The following KIF26B variants were observed in gnomAD, a reference collection of about 807,000 sequenced individuals.
KIF26B encodes kinesin-like protein KIF26B.
KIF26B carries 63 observed loss-of-function variants against 151.2 expected under a neutral mutation model. The observed-to-expected ratio is 0.42, with a 90% confidence interval of 0.34 to 0.51. The LOEUF is 0.51. KIF26B is among the 20% of genes least tolerant of loss of function. The pLI is 0.07. For synonymous variants in KIF26B, 1,357 were observed against 1,262.1 expected (o/e 1.08, Z -1.59); for missense variants, 2,813 against 2,913.6 (o/e 0.97, Z 0.79).
At chr1:245,534,786 C>CTT (rs58406934) in intron 4 of KIF26B, among the ~76,000 whole-genome samples, 32 of 143,660 alleles carry the variant, frequency 2.2e-4, no homozygotes, top group South Asian at 4.4e-4. Flanking sequence ...TTTACCTTTT[C>CTT]TTTTTTTTTT....
At chr1:245,271,666 C>G (rs1670859246) in intron 2 of KIF26B, among the ~76,000 whole-genome samples, 1 of 149,948 alleles carries the variant, frequency 6.7e-6, no homozygotes, top group African/African-American at 2.5e-5. Context: ...CATTGATTGA[C>G]TTTTGTATAT....
chr1:245,515,822 G>A (rs565768570), intron 4 of KIF26B, among the ~76,000 whole-genome samples: 2 of 152,290 alleles, frequency 1.3e-5, no homozygotes, highest in Admixed American at 6.5e-5. Context: ...GGCATGGGAG[G>A]GCTCGCTCTG....
intron 3 of KIF26B, among the ~76,000 whole-genome samples, chr1:245,407,082 C>T (rs1674152839): frequency 6.6e-6 from 1 of 152,150 alleles, no homozygotes; most frequent in Non-Finnish European, 1.5e-5. Flanking sequence ...GCCACTGTGC[C>T]CGGCCCAGGT....
At chr1:245,175,417 T>C (rs942957563) in intron 2 of KIF26B, among the ~76,000 whole-genome samples, 6 of 152,004 alleles carry the variant, frequency 3.9e-5, no homozygotes, top group Admixed American at 1.3e-4. Context: ...GTGATCATGA[T>C]GGATTATTCA....
At chr1:245,497,942 C>T (rs541633224) in intron 4 of KIF26B, among the ~76,000 whole-genome samples, 19 of 152,338 alleles carry the variant, frequency 1.2e-4, no homozygotes, top group Non-Finnish European at 2.4e-4. Context: ...CAGGGTTTCA[C>T]CTTGTTGGCC....
At chr1:245,577,503 A>G (rs2043130943) in intron 5 of KIF26B, among the ~76,000 whole-genome samples, 1 of 152,250 alleles carries the variant, frequency 6.6e-6, no homozygotes, top group Non-Finnish European at 1.5e-5. Flanking sequence ...AAAAGAGCCA[A>G]CAGCATGGAA....
Position 245,180,292 on chromosome 1 carries a change from C to CAGAGAGAGAG in KIF26B, c.465+23624_465+23633dup, listed in dbSNP as rs34346823. On this transcript the variant is annotated intron_variant, in intron 2 of 14. Transcript: ENST00000407071. Reference sequence around the variant, plus strand: ...ATTCAGCTTCAGATCCTGCAGGTAGCAGAGAGAGAGAGAGAGAGAGAGAGG... The same window carrying CAGAGAGAGAG: ...ATTCAGCTTCAGATCCTGCAGGTAGCAGAGAGAGAGAGAGAGAGAGAGAGAGAGAGAGAGG... Among the ~76,000 whole-genome samples the CAGAGAGAGAG allele has an allele frequency of 6.7e-3, 992 of 148,600 alleles. 7 individuals carry two copies. The highest frequency in any genetic ancestry group is 9.7e-3 in the South Asian group (44 of 4,550).
Position 245,685,832 on chromosome 1 carries a change from T to G in KIF26B, c.2849T>G (p.Leu950Arg). Residue 950 changes from leucine to arginine, a missense_variant, in exon 12 of 15, where the codon CTG (leucine) becomes CGG (arginine). Physicochemically the swap from Leu to Arg is moderately radical, Grantham distance 102. Coordinates refer to ENST00000407071, the MANE Select transcript of KIF26B (RefSeq NM_018012.4). Reference sequence around the variant, plus strand: ...CCCAGCAGCTTTCCTTTCGAAGAACTGCCTGCTCAGTTTGGGCCAGAGCAG... The same window carrying G: ...CCCAGCAGCTTTCCTTTCGAAGAACGGCCTGCTCAGTTTGGGCCAGAGCAG... ...EEPSSFPFEELPAQFGPEQAS... is the reference protein window; with the variant it reads ...EEPSSFPFEERPAQFGPEQAS... The G allele has an allele frequency of 6.2e-7, 1 of 1,611,940 alleles. No individual in the cohort carries two copies. The highest frequency in any genetic ancestry group is 8.5e-7 in the Non-Finnish European group (1 of 1,179,262).
At chr1:245,233,228 G>C (rs1670033397) in intron 2 of KIF26B, among the ~76,000 whole-genome samples, 1 of 152,204 alleles carries the variant, frequency 6.6e-6, no homozygotes, top group African/African-American at 2.4e-5. Flanking sequence ...GGAAGTGAAT[G>C]ATTCTGTAGA....
At chr1:245,246,069 G>A (rs1191917899) in intron 2 of KIF26B, among the ~76,000 whole-genome samples, 2 of 150,340 alleles carry the variant, frequency 1.3e-5, no homozygotes, top group African/African-American at 4.9e-5. Context: ...TCCAGCCTGG[G>A]CGACAGAGCG....
At chr1:245,598,155 G>A (rs2043354039) in intron 5 of KIF26B, among the ~76,000 whole-genome samples, 1 of 152,076 alleles carries the variant, frequency 6.6e-6, no homozygotes, top group African/African-American at 2.4e-5. Flanking sequence ...CTAGAACCTT[G>A]TAGGGGTAAA....
At chr1:245,420,384 T>C (rs2103036462) in intron 4 of KIF26B, among the ~76,000 whole-genome samples, 1 of 152,308 alleles carries the variant, frequency 6.6e-6, no homozygotes, top group South Asian at 2.1e-4. Context: ...AGGAAAGGAC[T>C]TCAGGGATTG....
chr1:245,435,482 G>A (rs551880036), intron 4 of KIF26B, among the ~76,000 whole-genome samples: 2 of 152,314 alleles, frequency 1.3e-5, no homozygotes, highest in Non-Finnish European at 2.9e-5. Flanking sequence ...TCCATTGCCT[G>A]TCTCCCTTCC....
chr1:245,251,901 G>C (rs1670451595), intron 2 of KIF26B, among the ~76,000 whole-genome samples: 1 of 152,016 alleles, frequency 6.6e-6, no homozygotes, highest in Non-Finnish European at 1.5e-5. Context: ...TATATATTAA[G>C]ATTAATGTAT....
At chr1:245,427,575 T>C (rs1022735909) in intron 4 of KIF26B, among the ~76,000 whole-genome samples, 5 of 152,152 alleles carry the variant, frequency 3.3e-5, no homozygotes, top group African/African-American at 1.2e-4. Flanking sequence ...GCCATTGCAC[T>C]CCAGCCTGGA....
At chr1:245,624,644 T>C (rs2043703784) in intron 9 of KIF26B, among the ~76,000 whole-genome samples, 1 of 152,226 alleles carries the variant, frequency 6.6e-6, no homozygotes, top group South Asian at 2.1e-4. Context: ...TGCAAATCCT[T>C]TATAAGATAT....
At chr1:245,537,665 G>A (rs1026727879) in intron 4 of KIF26B, among the ~76,000 whole-genome samples, 1 of 152,280 alleles carries the variant, frequency 6.6e-6, no homozygotes, top group African/African-American at 2.4e-5. Context: ...GTGAGAAGAA[G>A]ACAGGTCAGC....
intron 2 of KIF26B, among the ~76,000 whole-genome samples, chr1:245,177,278 C>T (rs916904740): frequency 1.3e-5 from 2 of 152,176 alleles, no homozygotes; most frequent in African/African-American, 2.4e-5. Flanking sequence ...GTCCCATTCC[C>T]CCTGCCTTTA....
At chr1:245,662,673 TGATAC>T (rs1295414664) in intron 10 of KIF26B, among the ~76,000 whole-genome samples, 7 of 114,450 alleles carry the variant, frequency 6.1e-5, no homozygotes, top group African/African-American at 3.0e-4. Context: ...ATATACCCAA[TGATAC>T]ATATATATAC....
Sources: allele counts gnomAD v4.1 joint callset (sites outside exome capture counted in the v4.1 genomes callset), GRCh38; gene constraint gnomAD v4.1.1; transcripts MANE v1.5; gene names NCBI Gene and HGNC (gene_info 2026-07-23, HGNC 2026-07-21).